Variants in KIF1A observed in about 807,000 individuals in gnomAD.
KIF1A encodes kinesin-like protein KIF1A.
A neutral mutation model predicts 227.3 loss-of-function variants in KIF1A; 46 were observed. That is an observed-to-expected ratio of 0.20 (90% confidence interval 0.16 to 0.26). The LOEUF is 0.26. Among genes scored for constraint, KIF1A ranks in the 10% least tolerant of loss-of-function variants. The pLI is 1.00. For synonymous variants in KIF1A, 1,022 were observed against 1,012.8 expected, an observed-to-expected ratio of 1.01 and a Z score of -0.17; for missense variants, 1,683 against 2,485.9, an observed-to-expected ratio of 0.68 and a Z score of 6.87.
intron 15 of KIF1A, 51 bp downstream of exon 15, chr2:240,770,920 G>C: frequency 6.3e-7 from 1 of 1,596,160 alleles, no homozygotes; most frequent in Non-Finnish European, 8.5e-7. Flanking sequence ...ACTCCTCCGA[G>C]CTCCCCACTC....
intron 1 of KIF1A, among the ~76,000 whole-genome samples, chr2:240,811,276 A>G (rs1271621314): frequency 6.6e-6 from 1 of 152,154 alleles, no homozygotes; most frequent in East Asian, 1.9e-4. Flanking sequence ...GAGGTAGGAG[A>G]ATCACTTGAA....
rs1575574791 is a variant in KIF1A, at chr2:240,752,612, C to T, written c.2859-2065G>A. On this transcript the variant is annotated intron_variant, in intron 27 of 48. Coordinates refer to ENST00000498729, the MANE Select transcript of KIF1A (RefSeq NM_001244008.2). The surrounding 1 kb of genome is among the most constrained non-coding windows in gnomAD (Gnocchi z 6.4). ...CAGCACGGCTCTTCCCCGTGGCTGG[C>T]GCACCACACTGGGGGAGACATAATG... Among the ~76,000 whole-genome samples, 1 of 152,098 alleles carries T rather than the reference C, an allele frequency of 6.6e-6. No homozygotes were observed. The highest frequency in any genetic ancestry group is 1.5e-5 in the Non-Finnish European group (1 of 67,994).
intron 33 of KIF1A, among the ~76,000 whole-genome samples, chr2:240,743,346 G>A (rs2048218500): frequency 6.6e-6 from 1 of 152,250 alleles, no homozygotes; most frequent in Admixed American, 6.5e-5. Context: ...GGGAGATGGA[G>A]ATGGGAAGAA....
intron 38 of KIF1A, among the ~76,000 whole-genome samples, chr2:240,729,340 G>C (rs916563392): frequency 5.3e-5 from 8 of 152,030 alleles, no homozygotes; most frequent in African/African-American, 1.9e-4. Flanking sequence ...CAGCCCACCT[G>C]CCCCTCACCC....
At position 240,788,912 on chromosome 2, in the gene KIF1A, C is replaced by T. The variant is rs1420424908; in HGVS notation, c.183+324G>A. ...AGGGGTCTCCTGGGCTCCCAGCATG[C>T]AGGGCACAGCTTCCAGACAGGCTCA... On this transcript the variant is annotated intron_variant, in intron 3 of 48. Transcript: ENST00000498729. This position sits in a 1 kb window ranked among gnomAD's most constrained non-coding sequence, Gnocchi z 6.6. Among the ~76,000 whole-genome samples the T allele has an allele frequency of 6.6e-6, 1 of 152,076 alleles. No homozygotes were observed. Among genetic ancestry groups the T allele is most frequent in the Non-Finnish European group, 1.5e-5 (1 of 67,992 alleles).
rs74002923 is a variant in KIF1A at position 240,787,383 on chromosome 2, G to A, written c.364-67C>T. On this transcript the variant is annotated intron_variant, in intron 4 of 48. Coordinates refer to ENST00000498729, the MANE Select transcript of KIF1A (RefSeq NM_001244008.2). Reference sequence around the variant, plus strand: ...TGCTCCCTGGATCCCTGCCCCTTGCGATACTGTGGGCAGCCTGTGCCAGGC... The same window carrying A: ...TGCTCCCTGGATCCCTGCCCCTTGCAATACTGTGGGCAGCCTGTGCCAGGC... 1,085 of 1,392,680 alleles carry A rather than the reference G, an allele frequency of 7.8e-4. 5 individuals are homozygous for A. In the African/African-American group the frequency reaches 0.014, roughly 18 times the overall value. The allele number at this position is 1,392,680 out of a possible 1,614,324, so 86.3% of individuals were successfully genotyped here.
chr2:240,719,682 C>T (rs947853779), intron 46 of KIF1A, 92 bp downstream of exon 46: 1 of 1,361,418 alleles, frequency 7.3e-7, no homozygotes. Flanking sequence ...GTATGAGGGT[C>T]CCTGTGCCCC....
Position 240,788,666 on chromosome 2 carries a change from G to A in KIF1A, c.184-436C>T, listed in dbSNP as rs1470772113. Among the ~76,000 whole-genome samples, 1 of 152,274 alleles carries A rather than the reference G, an allele frequency of 6.6e-6. No homozygotes were observed. The highest frequency in any genetic ancestry group is 1.9e-4 in the East Asian group (1 of 5,170). ...GGGGCACTTTAGGCAGGGGGACAGG[G>A]TGATTAGCTGGGGGTCATCCTGGAA... On this transcript the variant is annotated intron_variant, in intron 3 of 48. Coordinates refer to ENST00000498729, the MANE Select transcript of KIF1A (RefSeq NM_001244008.2). This position sits in a 1 kb window ranked among gnomAD's most constrained non-coding sequence, Gnocchi z 6.6.
chr2:240,791,458 G>C (rs13423471), intron 2 of KIF1A, among the ~76,000 whole-genome samples: 11,002 of 61,360 alleles, frequency 0.18, 1,440 homozygotes, highest in East Asian at 0.22. Flanking sequence ...CGCCTCACCC[G>C]GCTGCACTCA....
In KIF1A at chr2:240,811,322, G is replaced by A. The variant is rs149536469; in HGVS notation, c.-61+8800C>T. Among the ~76,000 whole-genome samples, 1,115 of 152,208 alleles carry A rather than the reference G, an allele frequency of 7.3e-3. 9 individuals are homozygous for A. The highest frequency in any genetic ancestry group is 0.025 in the African/African-American group (1,030 of 41,540). ...AGAGGTTGCAGTGAGTAGAGATTGC[G>A]CCACTGCACTCCAGCCTGGGCTACA... On this transcript the variant is annotated intron_variant, in intron 1 of 48. Transcript: ENST00000498729.
At chr2:240,776,756 C>T (rs1431943785) in intron 10 of KIF1A, among the ~76,000 whole-genome samples, 2 of 152,236 alleles carry the variant, frequency 1.3e-5, no homozygotes, top group Non-Finnish European at 2.9e-5. Flanking sequence ...GAGCCTGCAC[C>T]CCAGGACATG....
Position 240,762,831 on chromosome 2 carries a change from G to A in KIF1A, c.2023-19C>T. ...CATAGTCCTGCAGAAAGCAAGGCCT[G>A]TGACTCCACTACGGCCCTACCTGCC... On this transcript the variant is annotated intron_variant, in intron 22 of 48. Transcript: ENST00000498729. The A allele has an allele frequency of 1.3e-6, 2 of 1,568,720 alleles. No homozygotes were observed. Among genetic ancestry groups the A allele is most frequent in the Non-Finnish European group, 1.7e-6 (2 of 1,151,782 alleles).
intron 44 of KIF1A, among the ~76,000 whole-genome samples, chr2:240,721,302 G>T (rs1349668526): frequency 6.6e-6 from 1 of 152,238 alleles, no homozygotes; most frequent in Non-Finnish European, 1.5e-5. Flanking sequence ...GAGTGGGCTG[G>T]GTAAGCTCTG....
At chr2:240,805,965 T>C (rs1192936644) in intron 1 of KIF1A, among the ~76,000 whole-genome samples, 4 of 152,226 alleles carry the variant, frequency 2.6e-5, no homozygotes, top group Non-Finnish European at 5.9e-5. Flanking sequence ...TGTCCAGCCA[T>C]GACAGAGTCC....
intron 10 of KIF1A, among the ~76,000 whole-genome samples, chr2:240,777,720 A>G (rs1380059142): frequency 6.6e-6 from 1 of 152,040 alleles, no homozygotes; most frequent in African/African-American, 2.4e-5. Flanking sequence ...GCTGCCACTA[A>G]AGCTCCCCCA....
intron 9 of KIF1A, 85 bp from the exon 10 acceptor site, chr2:240,782,692 G>A: frequency 7.2e-7 from 1 of 1,390,030 alleles, no homozygotes; most frequent in Non-Finnish European, 1.0e-6. Flanking sequence ...CGGCCCGGCT[G>A]CCTCGCCCTG....
chr2:240,749,453 G>A (rs963131077), intron 28 of KIF1A, among the ~76,000 whole-genome samples: 2 of 152,174 alleles, frequency 1.3e-5, no homozygotes, highest in Admixed American at 6.5e-5. Flanking sequence ...CCATCTGCCT[G>A]TCTGTGTGTC....
At chr2:240,750,392 G>A in intron 28 of KIF1A, 37 bp downstream of exon 28, 1 of 1,504,184 alleles carries the variant, frequency 6.6e-7, no homozygotes. Flanking sequence ...AGCCCCAGGG[G>A]CTCCAATGCC....
Position 240,726,511 on chromosome 2 carries a change from T to C in KIF1A, c.4122+315A>G, listed in dbSNP as rs559080467. ...CTGTAATCCCAGCTACTTGGGAGGC[T>C]GAGGCAGGAGAATCGCTTGAGCCTG... On this transcript the variant is annotated intron_variant, in intron 39 of 48. Transcript: ENST00000498729. The surrounding 1 kb of genome is among the most constrained non-coding windows in gnomAD (Gnocchi z 5.2). Among the ~76,000 whole-genome samples, 14 of 152,206 alleles carry C rather than the reference T, an allele frequency of 9.2e-5. No individual in the cohort carries two copies. In the East Asian group the frequency reaches 2.5e-3, roughly 27 times the overall value.
Sources: allele counts gnomAD v4.1 joint callset (sites outside exome capture counted in the v4.1 genomes callset), GRCh38; gene constraint gnomAD v4.1.1; non-coding constraint Gnocchi (gnomAD v3.1); transcripts MANE v1.5; gene names NCBI Gene and HGNC (gene_info 2026-07-23, HGNC 2026-07-21).